Variants in ARHGAP24 observed in about 807,000 individuals in gnomAD.
ARHGAP24 encodes the protein rho GTPase-activating protein 24.
ARHGAP24 carries 50 observed loss-of-function variants against 76.4 expected under a neutral mutation model. That is an observed-to-expected ratio of 0.65 (90% CI 0.52 to 0.83). The LOEUF (loss-of-function observed/expected upper bound fraction) is 0.83, where lower values mean the gene tolerates loss of function less well. Among genes scored for constraint, ARHGAP24 ranks in the 40% least tolerant of loss-of-function variants. The probability of loss-of-function intolerance (pLI) is 0.00; values close to 1 mark genes in which losing one functional copy is unlikely to be tolerated. For synonymous variants in ARHGAP24, 345 were observed against 323.3 expected, an observed-to-expected ratio of 1.07 and a Z score of -0.72; for missense variants, 930 against 914.2, an observed-to-expected ratio of 1.02 and a Z score of -0.22.
chr4:85,475,700 G>C (rs1722562231), intron 1 of ARHGAP24, 141 bp downstream of exon 1: 1 of 35,674 alleles, frequency 2.8e-5, no homozygotes, highest in Admixed American at 2.6e-4. Flanking sequence ...GCGGGGAGGG[G>C]GCTGCGGGGG....
At chr4:85,535,614 C>T (rs1187489126) in intron 1 of ARHGAP24, among the ~76,000 whole-genome samples, 1 of 152,150 alleles carries the variant, frequency 6.6e-6, no homozygotes, top group African/African-American at 2.4e-5. Flanking sequence ...CCATCTGAAT[C>T]ACATAGCCCA....
intron 2 of ARHGAP24, among the ~76,000 whole-genome samples, chr4:85,608,424 C>G (rs1463525839): frequency 3.9e-5 from 6 of 152,062 alleles, no homozygotes; most frequent in Non-Finnish European, 7.4e-5. Flanking sequence ...ATAAATATAG[C>G]CTAGTCTCTG....
At chr4:85,519,709 A>G (rs1321133931) in intron 1 of ARHGAP24, among the ~76,000 whole-genome samples, 1 of 152,184 alleles carries the variant, frequency 6.6e-6, no homozygotes, top group African/African-American at 2.4e-5. Context: ...TCGTTTCTGA[A>G]GAGAATGAAA....
chr4:85,903,266 A>T (rs1734600178), intron 3 of ARHGAP24, among the ~76,000 whole-genome samples: 2 of 152,192 alleles, frequency 1.3e-5, no homozygotes, highest in African/African-American at 4.8e-5. Context: ...AATCTAAAAA[A>T]ATTTTCTGAT....
intron 2 of ARHGAP24, among the ~76,000 whole-genome samples, chr4:85,679,934 C>T (rs945128908): frequency 6.6e-6 from 1 of 152,150 alleles, no homozygotes; most frequent in African/African-American, 2.4e-5. Context: ...ATTGGTTCTA[C>T]CCAACTGCAC....
chr4:85,534,438 G>A (rs1341760145), intron 1 of ARHGAP24, among the ~76,000 whole-genome samples: 3 of 152,082 alleles, frequency 2.0e-5, no homozygotes, highest in Non-Finnish European at 2.9e-5. Context: ...CTCCCCTTTC[G>A]CCGCCTGCTC....
intron 3 of ARHGAP24, among the ~76,000 whole-genome samples, chr4:85,898,031 GTGTATATA>G (rs1425956192): frequency 2.3e-3 from 186 of 79,566 alleles, no homozygotes; most frequent in Admixed American, 3.3e-3. Flanking sequence ...ACACATATAT[GTGTATATA>G]TATATATATA....
chr4:85,931,030 A>G (rs762682623), intron 4 of ARHGAP24: 1 of 1,612,212 alleles, frequency 6.2e-7, no homozygotes, highest in South Asian at 1.1e-5. Context: ...ACGGTGTTTT[A>G]GTTTTCGGAA....
At chr4:85,738,651 C>T (rs1282439893) in intron 3 of ARHGAP24, among the ~76,000 whole-genome samples, 1 of 151,922 alleles carries the variant, frequency 6.6e-6, no homozygotes, top group East Asian at 1.9e-4. Context: ...GAAAGTTTAT[C>T]CCCATATTTT....
At chr4:85,727,192 C>A (rs1235959413) in intron 3 of ARHGAP24, among the ~76,000 whole-genome samples, 1 of 151,980 alleles carries the variant, frequency 6.6e-6, no homozygotes, top group East Asian at 1.9e-4. Context: ...TGCACTCCAG[C>A]CTGGGTGACA....
intron 2 of ARHGAP24, among the ~76,000 whole-genome samples, chr4:85,683,117 T>TGGGGGGGGGGGGGGGGGGGGGGGGGG: frequency 1.8e-5 from 1 of 56,944 alleles, no homozygotes; most frequent in Non-Finnish European, 3.5e-5. Flanking sequence ...TGTGGGGGGG[T>TGGGGGGGGGGGGGGGGGGGGGGGGGG]GGGGGGGGGG....
At chr4:85,632,552 A>G (rs1442283173) in intron 2 of ARHGAP24, among the ~76,000 whole-genome samples, 1 of 150,178 alleles carries the variant, frequency 6.7e-6, no homozygotes. Flanking sequence ...AAGGTAATAT[A>G]AAAGAAAAAT....
chr4:85,608,210 A>G (rs1720266365), intron 2 of ARHGAP24, among the ~76,000 whole-genome samples: 1 of 152,232 alleles, frequency 6.6e-6, no homozygotes, highest in Non-Finnish European at 1.5e-5. Flanking sequence ...GGAAAAGAAT[A>G]AAACAGGGAG....
rs188992421 is a variant in ARHGAP24, at chr4:85,481,775, C to T, written c.-21+6216C>T. Among the ~76,000 whole-genome samples the T allele has an allele frequency of 3.2e-3, 480 of 152,204 alleles. 8 individuals are homozygous for T. Among genetic ancestry groups the T allele is most frequent in the Admixed American group, 0.029 (441 of 15,284 alleles). On this transcript the variant is annotated intron_variant, in intron 1 of 9. Transcript: ENST00000395184. ...TGGTCCCCAGTTTAAGAATAGAGCC[C>T]CAGCTTGGGAAAGCTGAAATAAAAC...
intron 3 of ARHGAP24, among the ~76,000 whole-genome samples, chr4:85,901,973 C>G (rs1040215808): frequency 1.3e-5 from 2 of 152,128 alleles, no homozygotes; most frequent in African/African-American, 4.8e-5. Flanking sequence ...TCTCCCTCCC[C>G]TTGCACTCCA....
At chr4:85,648,486 T>A (rs1721809652) in intron 2 of ARHGAP24, among the ~76,000 whole-genome samples, 1 of 152,062 alleles carries the variant, frequency 6.6e-6, no homozygotes, top group Non-Finnish European at 1.5e-5. Context: ...ATGACAGGGA[T>A]ATTTACATAT....
rs1177554719 is a variant in ARHGAP24 at position 85,516,056 on chromosome 4, T to C, written c.-21+40497T>C. ...AATTCCCAGCCAGGGCCATTGTCTA[T>C]GTGATGTTTGCACATTCTTCCCAGG... On this transcript the variant is annotated intron_variant, in intron 1 of 9. Coordinates refer to ENST00000395184, the MANE Select transcript of ARHGAP24 (RefSeq NM_001025616.3). Among the ~76,000 whole-genome samples, 5 of 152,192 alleles carry C rather than the reference T, an allele frequency of 3.3e-5. No homozygotes were observed. In the East Asian group the frequency reaches 9.6e-4, roughly 29 times the overall value.
rs544844545 is a variant in ARHGAP24 at position 85,995,029 on chromosome 4, G to A, written c.1375G>A (p.Ala459Thr). The change falls in exon 9 of 10, where the codon GCC becomes ACC. Residue 459 changes from alanine (A) to threonine (T), a missense_variant. Coordinates refer to ENST00000395184, the MANE Select transcript of ARHGAP24 (RefSeq NM_001025616.3). The part of the protein sequence containing the change: ...TQTTPNGSLQ[A>T]RRSSSLKVSG... ...AACCACCCCCAATGGGAGCCTACAGGCCAGAAGGAGCTCTTCACTGAAGGT... is the reference window on the plus strand; with the variant it reads ...AACCACCCCCAATGGGAGCCTACAGACCAGAAGGAGCTCTTCACTGAAGGT... 2 of 1,614,070 alleles carry A rather than the reference G, an allele frequency of 1.2e-6. No homozygotes were observed. Among genetic ancestry groups the A allele is most frequent in the African/African-American group, 1.3e-5 (1 of 74,998 alleles).
chr4:85,875,585 TA>T (rs1732871659), intron 3 of ARHGAP24, among the ~76,000 whole-genome samples: 4 of 109,902 alleles, frequency 3.6e-5, no homozygotes, highest in African/African-American at 1.5e-4. Context: ...ATATAATATA[TA>T]TTTTATATTA....
Sources: gnomAD v4.1 joint callset for allele counts (sites outside exome capture counted in the v4.1 genomes callset) on GRCh38, gnomAD v4.1.1 for gene constraint, MANE v1.5 for transcripts, NCBI Gene and HGNC (gene_info 2026-07-23, HGNC 2026-07-21) for gene names.